The following SLC36A2 variants were observed in gnomAD, a reference collection of about 807,000 sequenced individuals.
SLC36A2 encodes the protein proton-coupled amino acid transporter 2.
A neutral mutation model predicts 42.7 loss-of-function variants in SLC36A2; 39 were observed. That is an observed-to-expected ratio of 0.91 (90% CI 0.71 to 1.19). The LOEUF (loss-of-function observed/expected upper bound fraction) is 1.19, where lower values mean the gene tolerates loss of function less well. Ranked by LOEUF, SLC36A2 falls within the 50% of genes most tolerant of loss-of-function variation. The pLI, the probability that SLC36A2 is intolerant of heterozygous loss-of-function variation, is 0.00. For synonymous variants in SLC36A2, 237 were observed against 240.8 expected, an observed-to-expected ratio of 0.98 and a Z score of 0.15; for missense variants, 590 against 613.7, an observed-to-expected ratio of 0.96 and a Z score of 0.41.
intron 3 of SLC36A2, 33 bp from the exon 4 acceptor site, chr5:151,343,016 A>C: frequency 6.4e-7 from 1 of 1,564,258 alleles, no homozygotes; most frequent in Non-Finnish European, 8.8e-7. Context: ...GGTTTCCAAG[A>C]GATAGTTTAG....
chr5:151,341,882 A>G (rs1198717015), intron 4 of SLC36A2, among the ~76,000 whole-genome samples: 1 of 152,162 alleles, frequency 6.6e-6, no homozygotes, highest in African/African-American at 2.4e-5. Flanking sequence ...ATCTGAGTCA[A>G]TCTCGACTCT....
intron 6 of SLC36A2, among the ~76,000 whole-genome samples, chr5:151,335,057 A>C (rs1756110764): frequency 6.6e-6 from 1 of 152,180 alleles, no homozygotes; most frequent in African/African-American, 2.4e-5. Context: ...CAGTTCACCA[A>C]CCAAGATGTT....
At chr5:151,338,847 G>A (rs950656885) in intron 5 of SLC36A2, 20 of 460,662 alleles carry the variant, frequency 4.3e-5, no homozygotes, top group South Asian at 3.7e-4. Context: ...TTTGAGAACA[G>A]GTCTAAGATA....
rs936118218 is a variant in SLC36A2 at position 151,315,483 on chromosome 5, C to G, written c.*1334G>C. Reference sequence around the variant, plus strand: ...ATCTCTACGAAAAACAAAAATTAGCCAGGCATAGTGGCAGGCACTTGTAAT... The same window carrying G: ...ATCTCTACGAAAAACAAAAATTAGCGAGGCATAGTGGCAGGCACTTGTAAT... On this transcript the variant is annotated 3_prime_UTR_variant, in exon 10 of 10. Transcript: ENST00000335244. 2.0e-5 allele frequency: 3 copies of G among 151,970 alleles called. No individual in the cohort carries two copies. Among genetic ancestry groups the G allele is most frequent in the African/African-American group, 7.3e-5 (3 of 41,334 alleles). The allele number at this position is 151,970 out of a possible 1,614,324, so 9.4% of individuals were successfully genotyped here.
intron 9 of SLC36A2, among the ~76,000 whole-genome samples, chr5:151,318,452 A>G (rs558337688): frequency 6.4e-4 from 93 of 145,838 alleles, no homozygotes; most frequent in African/African-American, 2.1e-3. Flanking sequence ...CAAATTTATT[A>G]TTTATTTTAT....
intron 1 of SLC36A2, among the ~76,000 whole-genome samples, chr5:151,346,460 A>G (rs1322926646): frequency 6.6e-6 from 1 of 151,870 alleles, no homozygotes; most frequent in Non-Finnish European, 1.5e-5. Context: ...TCACACTGCC[A>G]CCTGTTTTGC....
intron 7 of SLC36A2, among the ~76,000 whole-genome samples, chr5:151,328,795 AGTGTTAAACTAAGT>A (rs2127291016): frequency 6.6e-6 from 1 of 152,350 alleles, no homozygotes; most frequent in South Asian, 2.1e-4. Flanking sequence ...GTTCCAGCAG[AGTGTTAAACTAAGT>A]GTGAGATTCT....
intron 8 of SLC36A2, among the ~76,000 whole-genome samples, chr5:151,323,053 TGG>T (rs781677771): frequency 6.6e-5 from 10 of 152,094 alleles, no homozygotes; most frequent in Non-Finnish European, 1.2e-4. Flanking sequence ...CTGGCCAACA[TGG>T]CGAAACCCTA....
chr5:151,342,379 C>G (rs1453367729), intron 4 of SLC36A2, among the ~76,000 whole-genome samples: 1 of 152,158 alleles, frequency 6.6e-6, no homozygotes, highest in African/African-American at 2.4e-5. Flanking sequence ...ATTCCTCATT[C>G]TTCAGGACTC....
chr5:151,324,414 C>T (rs986347024), intron 8 of SLC36A2, among the ~76,000 whole-genome samples: 3 of 152,120 alleles, frequency 2.0e-5, no homozygotes, highest in African/African-American at 7.2e-5. Context: ...CTCACTGAAA[C>T]CTCTGCCTCC....
intron 7 of SLC36A2, among the ~76,000 whole-genome samples, chr5:151,331,253 A>G (rs1458924093): frequency 1.3e-5 from 2 of 152,172 alleles, no homozygotes; most frequent in African/African-American, 4.8e-5. Flanking sequence ...GAAAACTCTG[A>G]GGTAAATCTC....
intron 8 of SLC36A2, among the ~76,000 whole-genome samples, chr5:151,324,793 A>C (rs1271822568): frequency 6.6e-6 from 1 of 152,108 alleles, no homozygotes; most frequent in African/African-American, 2.4e-5. Context: ...GAGACATCAT[A>C]CTCAGCTAAG....
chr5:151,347,499 G>A lies in SLC36A2; in HGVS notation c.-39C>T. Reference sequence around the variant, plus strand: ...ACAAGGAGCTCGGGGTGACAAAGAGGTCTGCTCTGGAAGGAGGGAAGCAGG... The same window carrying A: ...ACAAGGAGCTCGGGGTGACAAAGAGATCTGCTCTGGAAGGAGGGAAGCAGG... On this transcript the variant is annotated 5_prime_UTR_variant, in exon 1 of 10. Coordinates refer to ENST00000335244, the MANE Select transcript of SLC36A2 (RefSeq NM_181776.3). 3 of 1,610,864 alleles carry A rather than the reference G, an allele frequency of 1.9e-6. No homozygotes were observed. Among genetic ancestry groups the A allele is most frequent in the East Asian group, 2.2e-5 (1 of 44,854 alleles).
At chr5:151,321,670 TCTGA>T (rs922769968) in intron 9 of SLC36A2, among the ~76,000 whole-genome samples, 1 of 143,506 alleles carries the variant, frequency 7.0e-6, no homozygotes, top group African/African-American at 2.6e-5. Context: ...CCCTCTACCA[TCTGA>T]CTGATTCTTT....
intron 5 of SLC36A2, among the ~76,000 whole-genome samples, chr5:151,337,786 G>A (rs1756202108): frequency 6.6e-6 from 1 of 152,212 alleles, no homozygotes; most frequent in Admixed American, 6.5e-5. Flanking sequence ...TGATCAATCT[G>A]TGTGATGGAA....
chr5:151,337,733 G>A (rs978192242), intron 5 of SLC36A2, among the ~76,000 whole-genome samples: 1 of 151,990 alleles, frequency 6.6e-6, no homozygotes, highest in African/African-American at 2.4e-5. Flanking sequence ...AGAAACAAAG[G>A]GAAATAAGGG....
At chr5:151,318,652 T>A (rs1038035784) in intron 9 of SLC36A2, among the ~76,000 whole-genome samples, 1 of 148,772 alleles carries the variant, frequency 6.7e-6, no homozygotes, top group African/African-American at 2.4e-5. Flanking sequence ...TGCCTAGAAT[T>A]TTAATAAATA....
chr5:151,343,260 AT>A (rs1171553077), intron 3 of SLC36A2, among the ~76,000 whole-genome samples: 3 of 152,182 alleles, frequency 2.0e-5, no homozygotes, highest in African/African-American at 7.2e-5. Flanking sequence ...TCTCGTGACC[AT>A]TCTCTGCATA....
At chr5:151,318,099 A>G (rs190854467) in intron 9 of SLC36A2, among the ~76,000 whole-genome samples, 9 of 152,306 alleles carry the variant, frequency 5.9e-5, no homozygotes, top group East Asian at 1.9e-4. Flanking sequence ...TATGGCAGCT[A>G]TATTTGTCAG....
Sources: gnomAD v4.1 joint callset for allele counts (sites outside exome capture counted in the v4.1 genomes callset) on GRCh38, gnomAD v4.1.1 for gene constraint, MANE v1.5 for transcripts, NCBI Gene and HGNC (gene_info 2026-07-23, HGNC 2026-07-21) for gene names.